LPAR3: variants seen among roughly 807,000 people sequenced by gnomAD.
LPAR3 encodes the protein LPA receptor 3.
Under a neutral mutation model 17.8 loss-of-function variants are expected in LPAR3, and 7 were observed. The observed-to-expected ratio is 0.39, with a 90% CI of 0.22 to 0.74. LPAR3 has a LOEUF of 0.74. LPAR3 is among the 30% of genes least tolerant of loss of function. LPAR3 has a pLI of 0.40. For missense variants in LPAR3, 391 were observed against 453.4 expected, an observed-to-expected ratio of 0.86 and a Z score of 1.25; for synonymous variants, 179 against 179.9, an observed-to-expected ratio of 0.99 and a Z score of 0.04.
intron 2 of LPAR3, among the ~76,000 whole-genome samples, chr1:84,845,216 A>G (rs1468681014): frequency 6.6e-6 from 1 of 152,198 alleles, no homozygotes; most frequent in African/African-American, 2.4e-5. Context: ...AACATTGAAA[A>G]GCATTTTTAA....
chr1:84,874,899 ATT>A (rs11310847), intron 1 of LPAR3, among the ~76,000 whole-genome samples: 23,699 of 137,236 alleles, frequency 0.17, 2,162 homozygotes, highest in Admixed American at 0.27. Context: ...GAGAATGTCA[ATT>A]TTTTTTTTTT....
At chr1:84,842,384 G>A (rs1312568925) in intron 2 of LPAR3, among the ~76,000 whole-genome samples, 1 of 152,192 alleles carries the variant, frequency 6.6e-6, no homozygotes, top group East Asian at 1.9e-4. Context: ...CTGGTCAAAA[G>A]CCAAAAGGTT....
At chr1:84,845,809 A>C (rs1659585106) in intron 2 of LPAR3, among the ~76,000 whole-genome samples, 1 of 152,182 alleles carries the variant, frequency 6.6e-6, no homozygotes, top group South Asian at 2.1e-4. Flanking sequence ...TTTTTAGAAA[A>C]AAGTAGGGGC....
chr1:84,832,807 G>GA (rs1659314393), intron 2 of LPAR3, among the ~76,000 whole-genome samples: 1 of 152,186 alleles, frequency 6.6e-6, no homozygotes, highest in Non-Finnish European at 1.5e-5. Context: ...GAACAGAAGA[G>GA]TGTGAGGCTC....
intron 1 of LPAR3, among the ~76,000 whole-genome samples, chr1:84,892,724 C>T (rs1453911507): frequency 6.6e-6 from 1 of 152,242 alleles, no homozygotes; most frequent in Non-Finnish European, 1.5e-5. Context: ...CTGGCCTCTG[C>T]GCCCAGCCCG....
At chr1:84,866,358 C>A (rs1660050149) in intron 1 of LPAR3, among the ~76,000 whole-genome samples, 1 of 152,154 alleles carries the variant, frequency 6.6e-6, no homozygotes, top group Non-Finnish European at 1.5e-5. Context: ...CCAGGCTAGG[C>A]CGCTCAGGTT....
intron 2 of LPAR3, among the ~76,000 whole-genome samples, chr1:84,828,027 A>C (rs912200192): frequency 6.6e-5 from 10 of 152,288 alleles, no homozygotes; most frequent in African/African-American, 2.4e-4. Context: ...GGGAGGAGGG[A>C]GAAATAATTA....
At chr1:84,874,635 C>T (rs1660220357) in intron 1 of LPAR3, among the ~76,000 whole-genome samples, 1 of 152,162 alleles carries the variant, frequency 6.6e-6, no homozygotes, top group East Asian at 1.9e-4. Flanking sequence ...TTTATCCAAA[C>T]ATAACACAAA....
rs545757993 is a variant in LPAR3, at chr1:84,862,861, C to T, written c.736+2524G>A. On this transcript the variant is annotated intron_variant, in intron 2 of 2. Transcript: ENST00000370611. ...AGCCACACACACAGTGAGAAACGGCCTCTCTGCCTTACAAGACAAGTTCTG... is the reference window on the plus strand; with the variant it reads ...AGCCACACACACAGTGAGAAACGGCTTCTCTGCCTTACAAGACAAGTTCTG... Among the ~76,000 whole-genome samples the T allele has an allele frequency of 6.8e-4, 103 of 152,354 alleles. 3 individuals carry two copies. In the Middle Eastern group the frequency reaches 0.02, roughly 30 times the overall value.
At chr1:84,829,477 C>A (rs1432413250) in intron 2 of LPAR3, among the ~76,000 whole-genome samples, 1 of 151,922 alleles carries the variant, frequency 6.6e-6, no homozygotes, top group Non-Finnish European at 1.5e-5. Context: ...AGTTTGATGA[C>A]CATATCTGCT....
At chr1:84,888,431 T>C (rs1660498207) in intron 1 of LPAR3, among the ~76,000 whole-genome samples, 1 of 152,202 alleles carries the variant, frequency 6.6e-6, no homozygotes, top group Non-Finnish European at 1.5e-5. Context: ...CTTGATCCCT[T>C]GCTTTGGTTT....
At chr1:84,837,025 A>T (rs1297752791) in intron 2 of LPAR3, among the ~76,000 whole-genome samples, 1 of 141,388 alleles carries the variant, frequency 7.1e-6, no homozygotes, top group Admixed American at 7.1e-5. Context: ...TACTTTATCA[A>T]TTTTTTTTTT....
intron 1 of LPAR3, among the ~76,000 whole-genome samples, chr1:84,878,335 T>G (rs1660295652): frequency 6.6e-6 from 1 of 152,172 alleles, no homozygotes; most frequent in Non-Finnish European, 1.5e-5. Flanking sequence ...TTTCCCAATC[T>G]CCTCAGTATT....
intron 2 of LPAR3, among the ~76,000 whole-genome samples, chr1:84,839,004 C>T (rs190938803): frequency 2.0e-5 from 3 of 152,346 alleles, no homozygotes; most frequent in Non-Finnish European, 2.9e-5. Flanking sequence ...TTTCAGTGCT[C>T]TGTTTCATGA....
chr1:84,835,189 C>A (rs1659370196), intron 2 of LPAR3, among the ~76,000 whole-genome samples: 1 of 152,186 alleles, frequency 6.6e-6, no homozygotes, highest in Non-Finnish European at 1.5e-5. Flanking sequence ...AATGTGATGG[C>A]CAGAATTGGC....
chr1:84,819,627 A>G (rs1659011326), intron 2 of LPAR3, among the ~76,000 whole-genome samples: 1 of 152,230 alleles, frequency 6.6e-6, no homozygotes, highest in Admixed American at 6.5e-5. Flanking sequence ...TTCAAATGAG[A>G]AAATAAGCAT....
intron 1 of LPAR3, among the ~76,000 whole-genome samples, chr1:84,891,160 TAA>T (rs546045989): frequency 6.9e-6 from 1 of 144,560 alleles, no homozygotes. Context: ...TCTGATCTGA[TAA>T]AAAAAAAAAG....
At chr1:84,847,111 T>C (rs1180774841) in intron 2 of LPAR3, among the ~76,000 whole-genome samples, 1 of 152,214 alleles carries the variant, frequency 6.6e-6, no homozygotes, top group Non-Finnish European at 1.5e-5. Flanking sequence ...TCATCCAAAT[T>C]TAAAACACTG....
At chr1:84,834,193 TG>T (rs1353457948) in intron 2 of LPAR3, among the ~76,000 whole-genome samples, 3 of 152,198 alleles carry the variant, frequency 2.0e-5, no homozygotes, top group Non-Finnish European at 2.9e-5. Context: ...TATCAGGGAT[TG>T]GGACTATATA....
Sources: gnomAD v4.1 joint callset for allele counts (sites outside exome capture counted in the v4.1 genomes callset) on GRCh38, gnomAD v4.1.1 for gene constraint, MANE v1.5 for transcripts, NCBI Gene and HGNC (gene_info 2026-07-23, HGNC 2026-07-21) for gene names.